Variants in ATP7A observed in about 807,000 individuals in gnomAD.
ATP7A encodes ATPase copper transporting alpha, also known as copper-transporting ATPase 1.
A neutral mutation model predicts 83.5 loss-of-function variants in ATP7A; 7 were observed. The observed-to-expected ratio is 0.08, with a 90% CI of 0.05 to 0.16. The LOEUF (loss-of-function observed/expected upper bound fraction) is 0.16. Among genes scored for constraint, ATP7A ranks in the 10% least tolerant of loss-of-function variants. The pLI is 1.00. For missense variants in ATP7A, 940 were observed against 1,120.8 expected (o/e 0.84, Z 2.30); for synonymous variants, 354 against 395.2 (o/e 0.90, Z 1.24).
At chrX:78,027,957 C>T (rs1398883716) in intron 14 of ATP7A, among the ~76,000 whole-genome samples, 1 of 110,881 alleles carries the variant, frequency 9.0e-6, no homozygotes, top group Non-Finnish European at 1.9e-5. Flanking sequence ...CTGTTTAGTA[C>T]ACACTGAACA....
chrX:77,963,347 G>A (rs1281459675), intron 1 of ATP7A: 1 of 112,118 alleles, frequency 8.9e-6, no homozygotes, highest in Non-Finnish European at 1.9e-5. Context: ...TACTTACTTC[G>A]ATATCCCCAG....
intron 1 of ATP7A, among the ~76,000 whole-genome samples, chrX:77,915,007 T>C (rs187165578): frequency 1.8e-5 from 2 of 111,483 alleles, no homozygotes; most frequent in African/African-American, 6.5e-5. Context: ...AGAGACAGTA[T>C]AATATAGGAT....
chrX:77,948,100 TATTCATTC>T (rs56093900), intron 1 of ATP7A, among the ~76,000 whole-genome samples: 68 of 89,761 alleles, frequency 7.6e-4, no homozygotes, highest in Admixed American at 2.7e-3. Context: ...TTTATTTATT[TATTCATTC>T]ATTCATTCAT....
rs781814501 is a variant in ATP7A at position 78,048,727 on chromosome X, C to G, written c.*2157C>G. 1.1e-4 allele frequency: 12 copies of G among 111,722 alleles called. No individual in the cohort carries two copies. Among genetic ancestry groups the G allele is most frequent in the African/African-American group, 3.9e-4 (12 of 30,712 alleles). 9.2% of individuals were successfully genotyped at this position (111,722 alleles called of 1,213,427 possible). A position where few individuals can be genotyped will look rare whatever the true frequency, so the allele number is the denominator to read the frequency against. On this transcript the variant is annotated 3_prime_UTR_variant, in exon 23 of 23. Transcript: ENST00000341514. ...TTAGACCAATGCCTATGCCATCCTC[C>G]ATGCTTTCAGTTTGAGTTTTATTAT...
chrX:77,922,090 C>T (rs1183864007), intron 1 of ATP7A, among the ~76,000 whole-genome samples: 1 of 109,729 alleles, frequency 9.1e-6, no homozygotes, highest in Non-Finnish European at 1.9e-5. Flanking sequence ...TCACTGTGCT[C>T]GGTCAAAAGT....
chrX:78,016,758 A>G (rs972876520), intron 12 of ATP7A, among the ~76,000 whole-genome samples: 6 of 112,641 alleles, frequency 5.3e-5, no homozygotes, highest in Non-Finnish European at 9.4e-5. Flanking sequence ...TCTCACATCC[A>G]GGTCATGCTG....
intron 12 of ATP7A, among the ~76,000 whole-genome samples, chrX:78,016,422 C>A (rs1366813366): frequency 9.0e-6 from 1 of 110,876 alleles, no homozygotes; most frequent in Admixed American, 9.6e-5. Flanking sequence ...ACCCTTGACC[C>A]CTCCCAAATG....
intron 2 of ATP7A, among the ~76,000 whole-genome samples, chrX:77,987,444 T>TTGTGTG (rs3986431): frequency 0.065 from 5,540 of 85,729 alleles, 322 homozygotes; most frequent in African/African-American, 0.16. Flanking sequence ...AACCCAGTAT[T>TTGTGTG]TGTGTGTGTG....
At chrX:77,946,242 GT>G (rs1279173172) in intron 1 of ATP7A, among the ~76,000 whole-genome samples, 1 of 107,226 alleles carries the variant, frequency 9.3e-6, no homozygotes, top group East Asian at 2.9e-4. Context: ...GCAGATCGCA[GT>G]GAGCCGAGAT....
chrX:77,961,391 C>T lies in ATP7A; in HGVS notation c.-21-10230C>T, dbSNP rs1371655701. Among the ~76,000 whole-genome samples, 3 of 111,737 alleles carry T rather than the reference C, an allele frequency of 2.7e-5. No homozygotes were observed. The Admixed American group carries it at 2.9e-4, about 11-fold the overall frequency. ...TACATTCCTAAACAGGTAAACTAGC[C>T]TTCACCTACCAAAGGTATTGTATTC... On this transcript the variant is annotated intron_variant, in intron 1 of 22. Transcript: ENST00000341514.
rs1000389918 is a variant in ATP7A, at chrX:78,034,664, A to G, written c.3511+843A>G. Reference sequence around the variant, plus strand: ...CAAGACCTCATTAAGATATTTGACAATGTTGACCATCCCTTCCTTCCTAAA... The same window carrying G: ...CAAGACCTCATTAAGATATTTGACAGTGTTGACCATCCCTTCCTTCCTAAA... On this transcript the variant is annotated intron_variant, in intron 17 of 22. Transcript: ENST00000341514. Among the ~76,000 whole-genome samples the G allele has an allele frequency of 5.4e-5, 6 of 110,507 alleles. No individual in the cohort carries two copies. In the South Asian group the frequency reaches 2.3e-3, roughly 43 times the overall value.
chrX:78,028,878 G>A (rs1277575657), intron 14 of ATP7A, among the ~76,000 whole-genome samples: 1 of 112,271 alleles, frequency 8.9e-6, no homozygotes, highest in Non-Finnish European at 1.9e-5. Context: ...CAAGAATAGT[G>A]TGAAAGGCAG....
intron 1 of ATP7A, among the ~76,000 whole-genome samples, chrX:77,951,086 A>G (rs782518761): frequency 8.9e-6 from 1 of 112,175 alleles, no homozygotes; most frequent in African/African-American, 3.2e-5. Flanking sequence ...ATGTTCACAG[A>G]CTTGTGCAAC....
At chrX:77,935,830 G>A (rs782263745) in intron 1 of ATP7A, among the ~76,000 whole-genome samples, 7 of 112,464 alleles carry the variant, frequency 6.2e-5, no homozygotes, top group Non-Finnish European at 1.3e-4. Flanking sequence ...CTTTGTTCAA[G>A]GTACTGTGGG....
rs182697065 is a variant in ATP7A, at chrX:78,011,713, A to C, written c.2172+39A>C. 5.2e-6 allele frequency: 6 copies of C among 1,157,739 alleles called. No homozygotes were observed. In the Admixed American group the frequency reaches 1.3e-4, roughly 25 times the overall value. ...TAGCAAATATATTTGTTAATAATAA[A>C]AAATAAGCAAAATTTGGCAGGCAAG... On this transcript the variant is annotated intron_variant, in intron 9 of 22. Transcript: ENST00000341514.
intron 20 of ATP7A, 95 bp downstream of exon 20, chrX:78,042,883 T>G: frequency 1.0e-6 from 1 of 977,947 alleles, no homozygotes. Context: ...AATTCTGTCT[T>G]AAGTTCCATG....
chrX:77,991,159 A>G (rs1557232039), intron 4 of ATP7A, among the ~76,000 whole-genome samples: 1 of 111,441 alleles, frequency 9.0e-6, no homozygotes, highest in Non-Finnish European at 1.9e-5. Flanking sequence ...ATCACTATAT[A>G]ATTTTAGAAC....
At chrX:78,007,073 T>G (rs900929720) in intron 6 of ATP7A, among the ~76,000 whole-genome samples, 3 of 111,985 alleles carry the variant, frequency 2.7e-5, no homozygotes, top group African/African-American at 9.7e-5. Context: ...TTTAACCTTT[T>G]AAGGGACTGC....
At chrX:77,946,729 T>TAA (rs782042145) in intron 1 of ATP7A, among the ~76,000 whole-genome samples, 104 of 55,062 alleles carry the variant, frequency 1.9e-3, no homozygotes, top group African/African-American at 5.4e-3. Context: ...TGGCTATTAC[T>TAA]AAAAAAAAAA....
Sources: gnomAD v4.1 joint callset for allele counts (sites outside exome capture counted in the v4.1 genomes callset) on GRCh38, gnomAD v4.1.1 for gene constraint, MANE v1.5 for transcripts, NCBI Gene and HGNC (gene_info 2026-07-23, HGNC 2026-07-21) for gene names.